The following ALK variants were observed in gnomAD, a reference collection of about 807,000 sequenced individuals.
The protein encoded by ALK is ALK tyrosine kinase receptor.
ALK carries 74 observed loss-of-function variants against 163.1 expected under a neutral mutation model. The observed-to-expected ratio is 0.45, with a 90% CI of 0.38 to 0.55. The LOEUF (loss-of-function observed/expected upper bound fraction) is 0.55. Ranked by LOEUF, ALK falls within the 20% of genes least tolerant of loss-of-function variation. ALK has a pLI of 0.00. For synonymous variants in ALK, 960 were observed against 843.2 expected, an observed-to-expected ratio of 1.14 and a Z score of -2.40; for missense variants, 2,063 against 2,105.3, an observed-to-expected ratio of 0.98 and a Z score of 0.39.
At chr2:29,909,508 G>C (rs923186522) in intron 1 of ALK, among the ~76,000 whole-genome samples, 2 of 151,356 alleles carry the variant, frequency 1.3e-5, no homozygotes, top group African/African-American at 4.9e-5. Flanking sequence ...GAGAGAGAGA[G>C]AGAGAGAGAG....
intron 4 of ALK, among the ~76,000 whole-genome samples, chr2:29,502,499 G>T (rs1573407627): frequency 6.6e-6 from 1 of 152,116 alleles, no homozygotes; most frequent in Admixed American, 6.6e-5. Flanking sequence ...TTATTACTCA[G>T]AGGTTCTTGT....
At chr2:29,771,717 G>A (rs1681032148) in intron 1 of ALK, among the ~76,000 whole-genome samples, 1 of 152,058 alleles carries the variant, frequency 6.6e-6, no homozygotes, top group African/African-American at 2.4e-5. Flanking sequence ...TGTATTTTTA[G>A]TAGAGACGGG....
intron 9 of ALK, among the ~76,000 whole-genome samples, chr2:29,279,573 T>A (rs1215456407): frequency 6.6e-6 from 1 of 152,070 alleles, no homozygotes; most frequent in Non-Finnish European, 1.5e-5. Flanking sequence ...CTCTTTTCTG[T>A]GGATGTGCTG....
chr2:29,705,450 T>C (rs1300253249), intron 2 of ALK, among the ~76,000 whole-genome samples: 1 of 151,406 alleles, frequency 6.6e-6, no homozygotes, highest in Non-Finnish European at 1.5e-5. Flanking sequence ...AACCTGGGGA[T>C]GAACTGACCT....
intron 1 of ALK, among the ~76,000 whole-genome samples, chr2:29,778,987 C>G (rs1681258021): frequency 6.6e-6 from 1 of 151,704 alleles, no homozygotes; most frequent in South Asian, 2.1e-4. Flanking sequence ...AACCCGGTCT[C>G]TACTAAAAAA....
intron 2 of ALK, among the ~76,000 whole-genome samples, chr2:29,716,123 G>C (rs1042955430): frequency 6.6e-6 from 1 of 152,152 alleles, no homozygotes; most frequent in African/African-American, 2.4e-5. Flanking sequence ...AGGCCCAAGG[G>C]TATAGACTGC....
Position 29,826,754 on chromosome 2 carries a change from T to C in ALK, c.667+93239A>G, listed in dbSNP as rs548047126. ...CCCTTTCCTCAGCTATCTTCCACTC[T>C]TCCTTGGGGCCCCCAGGCATTGGCT... On this transcript the variant is annotated intron_variant, in intron 1 of 28. Transcript: ENST00000389048. Among the ~76,000 whole-genome samples the C allele has an allele frequency of 6.4e-4, 97 of 152,320 alleles. 1 individual carries two copies. The highest frequency in any genetic ancestry group is 2.2e-3 in the African/African-American group (92 of 41,576).
intron 5 of ALK, among the ~76,000 whole-genome samples, chr2:29,340,484 T>C (rs1444451373): frequency 6.6e-6 from 1 of 152,110 alleles, no homozygotes; most frequent in Non-Finnish European, 1.5e-5. Context: ...CAGGAGGTCA[T>C]CCTGCCCCCA....
rs532221043 is a variant in ALK at position 29,246,656 on chromosome 2, G to A, written c.2204+4449C>T. On this transcript the variant is annotated intron_variant, in intron 12 of 28. Coordinates refer to ENST00000389048, the MANE Select transcript of ALK (RefSeq NM_004304.5). This position sits in a 1 kb window ranked among gnomAD's most constrained non-coding sequence, Gnocchi z 4.3. Reference sequence around the variant, plus strand: ...GCCAGAGCGTGGATGTAGTCCCAGCGTTGCACCCGACCCCACATTCACTCA... The same window carrying A: ...GCCAGAGCGTGGATGTAGTCCCAGCATTGCACCCGACCCCACATTCACTCA... Among the ~76,000 whole-genome samples the A allele has an allele frequency of 2.3e-4, 35 of 152,206 alleles. No homozygotes were observed. Among genetic ancestry groups the A allele is most frequent in the Admixed American group, 1.0e-3 (16 of 15,286 alleles).
At chr2:29,428,031 G>T (rs1670186468) in intron 4 of ALK, among the ~76,000 whole-genome samples, 1 of 151,966 alleles carries the variant, frequency 6.6e-6, no homozygotes, top group South Asian at 2.1e-4. Context: ...AATAACCAGT[G>T]GGTCAAAGGA....
intron 1 of ALK, among the ~76,000 whole-genome samples, chr2:29,830,713 T>TAAAAAAA (rs530774574): frequency 2.1e-4 from 6 of 28,966 alleles, no homozygotes; most frequent in African/African-American, 3.3e-4. Context: ...TAAAATAGTT[T>TAAAAAAA]AAAAAAAAAA....
intron 4 of ALK, among the ~76,000 whole-genome samples, chr2:29,439,134 C>T (rs1169931615): frequency 1.3e-5 from 2 of 152,136 alleles, no homozygotes; most frequent in East Asian, 3.9e-4. Flanking sequence ...GAAATCTGAC[C>T]ACCTATCAAG....
intron 1 of ALK, among the ~76,000 whole-genome samples, chr2:29,847,864 CAAAGGAGGAAGG>C (rs778987859): frequency 6.8e-6 from 1 of 147,394 alleles, no homozygotes; most frequent in Non-Finnish European, 1.5e-5. Context: ...GAAGATGAAG[CAAAGGAGGAAGG>C]AGAGGAGGAT....
chr2:29,872,746 G>A (rs1461708262), intron 1 of ALK, among the ~76,000 whole-genome samples: 1 of 152,202 alleles, frequency 6.6e-6, no homozygotes, highest in Non-Finnish European at 1.5e-5. Flanking sequence ...TCAACCTACT[G>A]TAAGTCAGTG....
intron 3 of ALK, among the ~76,000 whole-genome samples, chr2:29,631,176 A>G (rs1676361556): frequency 6.6e-6 from 1 of 152,216 alleles, no homozygotes; most frequent in African/African-American, 2.4e-5. Context: ...GATATCGCTC[A>G]TTTTCATTTG....
intron 2 of ALK, among the ~76,000 whole-genome samples, chr2:29,707,653 G>T (rs1278207443): frequency 1.3e-5 from 2 of 152,300 alleles, no homozygotes; most frequent in South Asian, 2.1e-4. Flanking sequence ...AAGCTGAACT[G>T]CATGAATTAA....
At chr2:29,749,692 A>G (rs1434744168) in intron 1 of ALK, among the ~76,000 whole-genome samples, 1 of 152,166 alleles carries the variant, frequency 6.6e-6, no homozygotes, top group African/African-American at 2.4e-5. Flanking sequence ...AGCCCACAGC[A>G]TCTCCAACCC....
intron 1 of ALK, among the ~76,000 whole-genome samples, chr2:29,785,958 CAT>C (rs1379807666): frequency 9.4e-4 from 110 of 117,150 alleles, no homozygotes; most frequent in African/African-American, 4.5e-3. Flanking sequence ...CACACACACA[CAT>C]TACCCTCTCT....
At chr2:29,329,555 C>A (rs988965597) in intron 5 of ALK, among the ~76,000 whole-genome samples, 2 of 152,222 alleles carry the variant, frequency 1.3e-5, no homozygotes, top group Non-Finnish European at 2.9e-5. Flanking sequence ...CTAAACCCAT[C>A]TCAGTGCTCA....
Sources: allele counts gnomAD v4.1 joint callset (sites outside exome capture counted in the v4.1 genomes callset), GRCh38; gene constraint gnomAD v4.1.1; non-coding constraint Gnocchi (gnomAD v3.1); transcripts MANE v1.5; gene names NCBI Gene and HGNC (gene_info 2026-07-23, HGNC 2026-07-21).